Variants in PHLPP1 observed in about 807,000 individuals in gnomAD.
The protein encoded by PHLPP1 is PH domain and leucine rich repeat protein phosphatase 1.
PHLPP1 carries 42 observed loss-of-function variants against 117.2 expected under a neutral mutation model. The observed-to-expected ratio is 0.36, with a 90% CI of 0.28 to 0.46. PHLPP1 has a LOEUF of 0.46. Ranked by LOEUF, PHLPP1 falls within the 20% of genes least tolerant of loss-of-function variation. The pLI, the probability that PHLPP1 is intolerant of heterozygous loss-of-function variation, is 1.00. For synonymous variants in PHLPP1, 1,042 were observed against 970.7 expected, an observed-to-expected ratio of 1.07 and a Z score of -1.37; for missense variants, 2,084 against 2,241.9, an observed-to-expected ratio of 0.93 and a Z score of 1.42.
chr18:62,839,738 G>GTA (rs1174895736), intron 3 of PHLPP1: 1 of 142,842 alleles, frequency 7.0e-6, no homozygotes, highest in Non-Finnish European at 1.5e-5. Flanking sequence ...ATATATATAT[G>GTA]TATATATATA....
intron 10 of PHLPP1, among the ~76,000 whole-genome samples, chr18:62,922,076 C>G (rs1193917546): frequency 1.3e-5 from 2 of 152,142 alleles, no homozygotes; most frequent in Non-Finnish European, 2.9e-5. Flanking sequence ...TGAAATGTTT[C>G]AAGATCATTG....
At chr18:62,867,785 A>G (rs989494791) in intron 4 of PHLPP1, among the ~76,000 whole-genome samples, 2 of 152,066 alleles carry the variant, frequency 1.3e-5, no homozygotes, top group Non-Finnish European at 2.9e-5. Context: ...TGAGTGGAAA[A>G]GAGAGGAAGA....
chr18:62,832,729 A>T (rs1299850052), intron 2 of PHLPP1, among the ~76,000 whole-genome samples: 1 of 149,982 alleles, frequency 6.7e-6, no homozygotes, highest in African/African-American at 2.5e-5. Context: ...TTGAGCTTTC[A>T]TTAATTTTTG....
intron 4 of PHLPP1, among the ~76,000 whole-genome samples, chr18:62,878,815 A>G (rs1297920918): frequency 1.3e-5 from 2 of 152,024 alleles, no homozygotes; most frequent in Admixed American, 6.5e-5. Flanking sequence ...AGTGCAACAA[A>G]GGGGAGATAT....
intron 12 of PHLPP1, among the ~76,000 whole-genome samples, chr18:62,946,098 T>G (rs1390752108): frequency 1.3e-5 from 2 of 152,228 alleles, no homozygotes; most frequent in Non-Finnish European, 2.9e-5. Flanking sequence ...AAAAATAATT[T>G]GGTGGTTACA....
At chr18:62,802,186 G>C (rs745342339) in intron 1 of PHLPP1, among the ~76,000 whole-genome samples, 1 of 152,182 alleles carries the variant, frequency 6.6e-6, no homozygotes, top group African/African-American at 2.4e-5. Context: ...AAAGAAGAAA[G>C]GTTGGCTCAC....
chr18:62,923,414 G>C (rs1213200744), intron 10 of PHLPP1, among the ~76,000 whole-genome samples: 1 of 152,160 alleles, frequency 6.6e-6, no homozygotes, highest in African/African-American at 2.4e-5. Flanking sequence ...AGCTGTAATT[G>C]CTACATCTCC....
intron 14 of PHLPP1, among the ~76,000 whole-genome samples, chr18:62,971,357 C>G (rs1374441468): frequency 6.6e-6 from 1 of 151,236 alleles, no homozygotes; most frequent in Non-Finnish European, 1.5e-5. Flanking sequence ...AAGGTCCTGG[C>G]CTTATTTTTT....
chr18:62,800,219 A>G (rs996566067), intron 1 of PHLPP1, among the ~76,000 whole-genome samples: 6 of 152,164 alleles, frequency 3.9e-5, no homozygotes, highest in African/African-American at 1.4e-4. Context: ...TGGGAGGCAG[A>G]GTGCATAGAA....
At chr18:62,876,270 A>G (rs542655228) in intron 4 of PHLPP1, among the ~76,000 whole-genome samples, 24 of 152,256 alleles carry the variant, frequency 1.6e-4, no homozygotes, top group African/African-American at 5.3e-4. Flanking sequence ...CTCACTTCAC[A>G]TTCTCTTGCC....
At chr18:62,914,319 T>C (rs1917041916) in intron 8 of PHLPP1, among the ~76,000 whole-genome samples, 2 of 152,228 alleles carry the variant, frequency 1.3e-5, no homozygotes, top group South Asian at 2.1e-4. Context: ...ACACATATTC[T>C]CCCTGAACTT....
At chr18:62,888,234 C>T (rs754161547) in intron 4 of PHLPP1, among the ~76,000 whole-genome samples, 10 of 150,468 alleles carry the variant, frequency 6.6e-5, no homozygotes, top group Admixed American at 1.3e-4. Flanking sequence ...TTGAATGCAA[C>T]GGTAGCACTG....
intron 9 of PHLPP1, among the ~76,000 whole-genome samples, chr18:62,915,716 G>A (rs1176612679): frequency 6.6e-6 from 1 of 152,188 alleles, no homozygotes; most frequent in East Asian, 1.9e-4. Flanking sequence ...ATCCAGTGCT[G>A]TCCTGTAGAA....
At chr18:62,791,556 C>A (rs1195701987) in intron 1 of PHLPP1, among the ~76,000 whole-genome samples, 2 of 152,184 alleles carry the variant, frequency 1.3e-5, no homozygotes, top group African/African-American at 4.8e-5. Flanking sequence ...ATCCAATTTC[C>A]TGCCAGCAAT....
At chr18:62,750,732 C>A (rs1366678083) in intron 1 of PHLPP1, among the ~76,000 whole-genome samples, 3 of 147,894 alleles carry the variant, frequency 2.0e-5, no homozygotes, top group African/African-American at 2.5e-5. Flanking sequence ...TTTTTTTTTA[C>A]AAGCTACTGG....
At chr18:62,728,187 C>T (rs1911131521) in intron 1 of PHLPP1, among the ~76,000 whole-genome samples, 2 of 151,040 alleles carry the variant, frequency 1.3e-5, no homozygotes, top group African/African-American at 2.4e-5. Flanking sequence ...CCCAGCTACT[C>T]GGGAGGCTGA....
intron 3 of PHLPP1, among the ~76,000 whole-genome samples, chr18:62,858,257 A>G (rs1915545785): frequency 7.0e-6 from 1 of 143,392 alleles, no homozygotes; most frequent in Admixed American, 7.3e-5. Flanking sequence ...TTCCATCAGC[A>G]GAACCTTTTT....
At chr18:62,975,109 C>T (rs2144492696) in intron 15 of PHLPP1, among the ~76,000 whole-genome samples, 1 of 152,300 alleles carries the variant, frequency 6.6e-6, no homozygotes, top group Admixed American at 6.5e-5. Flanking sequence ...AGGCTGTACA[C>T]AGCAGCCCAG....
intron 2 of PHLPP1, among the ~76,000 whole-genome samples, chr18:62,833,927 T>C (rs1051399964): frequency 2.0e-5 from 3 of 152,214 alleles, no homozygotes; most frequent in African/African-American, 7.2e-5. Context: ...GTTACTATGC[T>C]GAAGGGACAT....
Sources: allele counts gnomAD v4.1 joint callset (sites outside exome capture counted in the v4.1 genomes callset), GRCh38; gene constraint gnomAD v4.1.1; transcripts MANE v1.5; gene names NCBI Gene and HGNC (gene_info 2026-07-23, HGNC 2026-07-21).